ZSCAN5A: variants seen among roughly 807,000 people sequenced by gnomAD.
The protein encoded by ZSCAN5A is zinc finger and SCAN domain-containing protein 5A.
Under a neutral mutation model 23.7 loss-of-function variants are expected in ZSCAN5A, and 12 were observed. That is an observed-to-expected ratio of 0.51 (90% CI 0.32 to 0.82). ZSCAN5A has a LOEUF of 0.82. ZSCAN5A is among the 40% of genes least tolerant of loss of function. The pLI is 0.03. For missense variants in ZSCAN5A, 597 were observed against 617.9 expected, an observed-to-expected ratio of 0.97 and a Z score of 0.36; for synonymous variants, 257 against 239.9, an observed-to-expected ratio of 1.07 and a Z score of -0.66.
intron 2 of ZSCAN5A, among the ~76,000 whole-genome samples, chr19:56,308,273 C>A (rs2040827260): frequency 6.6e-6 from 1 of 151,956 alleles, no homozygotes; most frequent in African/African-American, 2.4e-5. Context: ...ACCTTGTGAT[C>A]CGCCCGCCTC....
At chr19:56,292,457 A>ACT (rs1445953237) in intron 2 of ZSCAN5A, among the ~76,000 whole-genome samples, 62 of 146,294 alleles carry the variant, frequency 4.2e-4, no homozygotes, top group African/African-American at 1.4e-3. Context: ...GTCTGTTTTT[A>ACT]CTTTTTTTTT....
At chr19:56,224,424 G>C in intron 3 of ZSCAN5A, 6 of 640,872 alleles carry the variant, frequency 9.4e-6, no homozygotes, top group Non-Finnish European at 1.3e-5. Context: ...TTGGAATCTG[G>C]ATGATTATTT....
At chr19:56,333,831 G>A (rs986693842) in intron 2 of ZSCAN5A, among the ~76,000 whole-genome samples, 2 of 151,024 alleles carry the variant, frequency 1.3e-5, no homozygotes, top group Non-Finnish European at 2.9e-5. Context: ...CACCTTCTAG[G>A]GAGACAGGGG....
intron 2 of ZSCAN5A, among the ~76,000 whole-genome samples, chr19:56,247,693 C>T (rs1012606851): frequency 3.9e-5 from 3 of 76,374 alleles, no homozygotes; most frequent in Non-Finnish European, 9.2e-5. Context: ...GCTGTTCTTT[C>T]TTTTATTATT....
chr19:56,247,190 GC>G, intron 2 of ZSCAN5A: 1 of 504,436 alleles, frequency 2.0e-6, no homozygotes, highest in Non-Finnish European at 3.6e-6. Context: ...TCAGACCTCC[GC>G]GTCCACCAGC....
chr19:56,269,671 C>A (rs929413678), intron 2 of ZSCAN5A, among the ~76,000 whole-genome samples: 13 of 152,122 alleles, frequency 8.5e-5, no homozygotes, highest in African/African-American at 2.9e-4. Context: ...ACTTGACCGG[C>A]CATCGCTGGC....
At chr19:56,353,581 T>C (rs927945281) in intron 2 of ZSCAN5A, among the ~76,000 whole-genome samples, 3 of 151,614 alleles carry the variant, frequency 2.0e-5, no homozygotes, top group Non-Finnish European at 4.4e-5. Context: ...ATCGAGACCA[T>C]CCTGGCTAAC....
chr19:56,280,547 A>G (rs1265374731), intron 2 of ZSCAN5A: 2 of 152,152 alleles, frequency 1.3e-5, no homozygotes, highest in African/African-American at 4.8e-5. Context: ...TCTAGATATA[A>G]CCACTGTCGT....
Position 56,221,633 on chromosome 19 carries a change from C to T in ZSCAN5A, c.1433G>A (p.Ser478Asn), listed in dbSNP as rs1243518159. The T allele has an allele frequency of 1.2e-6, 2 of 1,612,990 alleles. No individual in the cohort carries two copies. Among genetic ancestry groups the T allele is most frequent in the Non-Finnish European group, 1.7e-6 (2 of 1,179,542 alleles). ...YKCSKCPRAF[S>N]RLKLLRRHQK... ...GTGGCGTCTTAACAATTTCAGCCGA[C>T]TGAAGGCTCTTGGACACTTGGAACA... The change falls in exon 6 of 6, where the codon AGT becomes AAT. Residue 478 changes from serine to asparagine, a missense_variant. Around this residue, in one of 5 missense-constraint regions of ZSCAN5A, gnomAD observed 87 missense variants for 74.4 expected, o/e 1.17. Coordinates refer to ENST00000683990, the MANE Select transcript of ZSCAN5A (RefSeq NM_001322064.3).
intron 2 of ZSCAN5A, chr19:56,225,501 A>T (rs2033835070): frequency 6.5e-6 from 1 of 155,036 alleles, no homozygotes; most frequent in African/African-American, 2.4e-5. Flanking sequence ...ATGTTTCCCC[A>T]TCAGGACAAG....
intron 2 of ZSCAN5A, among the ~76,000 whole-genome samples, chr19:56,304,228 C>G (rs568836726): frequency 6.6e-6 from 1 of 152,316 alleles, no homozygotes; most frequent in East Asian, 1.9e-4. Flanking sequence ...GAGAGCCGTG[C>G]AGCAGTTCTA....
At chr19:56,250,697 G>A (rs1289350358) in intron 2 of ZSCAN5A, among the ~76,000 whole-genome samples, 1 of 152,256 alleles carries the variant, frequency 6.6e-6, no homozygotes, top group East Asian at 1.9e-4. Context: ...GCTACACTAA[G>A]TGTTTTATTT....
chr19:56,244,719 G>A (rs569673066), intron 2 of ZSCAN5A, among the ~76,000 whole-genome samples: 1 of 150,330 alleles, frequency 6.7e-6, no homozygotes, highest in East Asian at 1.9e-4. Flanking sequence ...TGGTGTAGGA[G>A]ATGGACAGGC....
At chr19:56,232,265 T>C (rs2034538083) in intron 2 of ZSCAN5A, among the ~76,000 whole-genome samples, 1 of 152,144 alleles carries the variant, frequency 6.6e-6, no homozygotes, top group Non-Finnish European at 1.5e-5. Context: ...TGTCAGCCAC[T>C]GTGCCCAGCC....
intron 2 of ZSCAN5A, among the ~76,000 whole-genome samples, chr19:56,267,787 T>C (rs2037575520): frequency 6.6e-6 from 1 of 152,178 alleles, no homozygotes; most frequent in African/African-American, 2.4e-5. Context: ...TCCCATCTCA[T>C]AGTGTTGTAG....
chr19:56,237,641 G>A (rs376252457), intron 2 of ZSCAN5A, among the ~76,000 whole-genome samples: 2 of 152,210 alleles, frequency 1.3e-5, no homozygotes, highest in East Asian at 1.9e-4. Context: ...ATTATGGGCC[G>A]GGGCGCGGTG....
At chr19:56,272,310 T>G (rs1288205420) in intron 2 of ZSCAN5A, among the ~76,000 whole-genome samples, 2 of 152,124 alleles carry the variant, frequency 1.3e-5, no homozygotes, top group African/African-American at 2.4e-5. Context: ...GGACAGTAAA[T>G]ATTTTAGGCC....
chr19:56,346,526 GAAAAAAAA>G (rs569758808), intron 2 of ZSCAN5A, among the ~76,000 whole-genome samples: 2 of 115,458 alleles, frequency 1.7e-5, no homozygotes, highest in Non-Finnish European at 3.7e-5. Flanking sequence ...TAAAACTCTA[GAAAAAAAA>G]AAAAGAAAAA....
At chr19:56,237,583 A>C (rs2146566064) in intron 2 of ZSCAN5A, among the ~76,000 whole-genome samples, 1 of 152,206 alleles carries the variant, frequency 6.6e-6, no homozygotes. Flanking sequence ...CTGTACGTTG[A>C]AGAGCATCCA....
Sources: gnomAD v4.1 joint callset for allele counts (sites outside exome capture counted in the v4.1 genomes callset) on GRCh38, gnomAD v4.1.1 for gene constraint, gnomAD v4.1.1 regional missense constraint, MANE v1.5 for transcripts, NCBI Gene and HGNC (gene_info 2026-07-23, HGNC 2026-07-21) for gene names.